NEK2: variants seen among roughly 807,000 people sequenced by gnomAD.
NEK2 encodes serine/threonine-protein kinase Nek2.
In NEK2, 28 loss-of-function variants were observed where a neutral mutation model predicts 54.1. The ratio of observed to expected loss-of-function variants is 0.52; its 90% CI spans 0.38 to 0.71. The LOEUF (loss-of-function observed/expected upper bound fraction) is 0.71. Among genes scored for constraint, NEK2 ranks in the 30% least tolerant of loss-of-function variants. NEK2 has a pLI of 0.00. For missense variants in NEK2, 407 were observed against 531.5 expected (o/e 0.77, Z 2.30); for synonymous variants, 176 against 193.1 (o/e 0.91, Z 0.73).
downstream of NEK2, among the ~76,000 whole-genome samples, chr1:211,661,525 T>G (rs1655018319): frequency 6.6e-6 from 1 of 152,244 alleles, no homozygotes; most frequent in South Asian, 2.1e-4. Context: ...CTTCAAATAA[T>G]TGTTTAAATG....
intron 6 of NEK2, 148 bp from the exon 7 acceptor site, chr1:211,667,379 C>T: frequency 3.1e-6 from 2 of 647,174 alleles, no homozygotes; most frequent in South Asian, 5.9e-5. Flanking sequence ...CCTCAGTCAA[C>T]CTGATTATGT....
chr1:211,663,528 G>A lies in NEK2; in HGVS notation c.1236C>T (p.Asp412=), dbSNP rs1363777365. The change falls in exon 8 of 8, where the codon GAC becomes GAT. Residue 412 remains aspartate (D), a synonymous_variant. Transcript: ENST00000366999. ...GGGCAGCGTGAAGCCTTTTCTTCAG[G>A]TCCTTGCACTTGGACTTAGATGTGA... ...SQLTSKSKCK[D]LKKRLHAAQL... is the part of the protein sequence containing the mutation. 6.2e-7 allele frequency: 1 copy of A among 1,613,930 alleles called. No homozygotes were observed. Among genetic ancestry groups the A allele is most frequent in the Admixed American group, 1.7e-5 (1 of 60,018 alleles).
At position 211,670,330 on chromosome 1, in the gene NEK2, C is replaced by T. The variant is rs1264058723; in HGVS notation, c.716G>A (p.Arg239His). 5.6e-6 allele frequency: 9 copies of T among 1,612,702 alleles called. No homozygotes were observed. Among genetic ancestry groups the T allele is most frequent in the Middle Eastern group, 1.7e-4 (1 of 5,996 alleles). ...REGKFRRIPY[R>H]YSDELNEIIT... ...AATTTCATTCAATTCATCAGAGTAA[C>T]GGTATGGAATTCGCCTGAATTTGCC... The change falls in exon 5 of 8, where the codon CGT (arginine) becomes CAT (histidine). Residue 239 changes from arginine to histidine, a missense_variant. Transcript: ENST00000366999.
intron 4 of NEK2, 34 bp downstream of exon 4, chr1:211,671,168 C>T (rs1655375031): frequency 7.1e-6 from 11 of 1,541,914 alleles, no homozygotes; most frequent in East Asian, 4.5e-5. Context: ...ACAGTACAAA[C>T]CTTAGACTAG....
At chr1:211,661,090 C>T (rs151197025), downstream of NEK2, 1,536 of 743,994 alleles carry the variant, frequency 2.1e-3, 2 homozygotes, top group Non-Finnish European at 2.7e-3. Flanking sequence ...AACTTGCCTC[C>T]GATGGCATTG....
chr1:211,665,255 T>C (rs765389743), intron 7 of NEK2, among the ~76,000 whole-genome samples: 11 of 152,140 alleles, frequency 7.2e-5, no homozygotes, highest in Admixed American at 1.3e-4. Context: ...CTATGATGCT[T>C]ATCTTATAGC....
intron 7 of NEK2, 73 bp from the exon 8 acceptor site, chr1:211,663,725 A>G (rs1045163249): frequency 7.1e-7 from 1 of 1,402,334 alleles, no homozygotes; most frequent in Non-Finnish European, 9.8e-7. Context: ...TATACTTATC[A>G]AAAAGTATTT....
intron 6 of NEK2, 48 bp from the exon 7 acceptor site, chr1:211,667,279 G>A (rs779668145): frequency 6.5e-7 from 1 of 1,545,790 alleles, no homozygotes; most frequent in South Asian, 1.2e-5. Flanking sequence ...AACTGACCTT[G>A]ACTAAAAAAC....
intron 4 of NEK2, 142 bp downstream of exon 4, chr1:211,671,060 A>G: frequency 1.5e-6 from 1 of 649,806 alleles, no homozygotes; most frequent in East Asian, 2.7e-5. Context: ...CTGTTCATCT[A>G]TCTACCTTAA....
chr1:211,671,238 G>T lies in NEK2; in HGVS notation c.602C>A (p.Ser201Ter). The part of the protein sequence containing the change: ...MSYNEKSDIW[S>*]LGCLLYELCA... Reference sequence around the variant, plus strand: ...TAACTCATACAGCAAGCAGCCCAATGACCAGATATCTGATTTCTCATTGTA... The same window carrying T: ...TAACTCATACAGCAAGCAGCCCAATTACCAGATATCTGATTTCTCATTGTA... The change falls in exon 4 of 8, where the codon TCA becomes TAA. Residue 201 changes from serine to a stop codon, truncating the protein, a stop_gained. Transcript: ENST00000366999. LOFTEE classifies it high-confidence loss of function. 1 of 1,613,542 alleles carries T rather than the reference G, an allele frequency of 6.2e-7. No homozygotes were observed. The highest frequency in any genetic ancestry group is 1.1e-5 in the South Asian group (1 of 91,020).
chr1:211,674,260 C>T (rs1655500724), intron 2 of NEK2, 36 bp downstream of exon 2: 14 of 1,528,176 alleles, frequency 9.2e-6, no homozygotes, highest in Non-Finnish European at 1.3e-5. Flanking sequence ...GAAACTAGAC[C>T]AATTTCAGCT....
chr1:211,661,063 C>T (rs1392096479), downstream of NEK2: 4 of 740,722 alleles, frequency 5.4e-6, no homozygotes, highest in Admixed American at 1.8e-5. Flanking sequence ...TGCTAAGCAC[C>T]GTCAAACCCC....
intron 6 of NEK2, among the ~76,000 whole-genome samples, chr1:211,667,640 A>G (rs1436383084): frequency 6.6e-6 from 1 of 152,162 alleles, no homozygotes; most frequent in Non-Finnish European, 1.5e-5. Context: ...ACCCAAACAA[A>G]AGAAAAAAAA....
chr1:211,662,233 C>T (rs988717138), downstream of NEK2, among the ~76,000 whole-genome samples: 3 of 152,150 alleles, frequency 2.0e-5, no homozygotes, highest in African/African-American at 4.8e-5. This position sits in a 1 kb window ranked among gnomAD's most constrained non-coding sequence, Gnocchi z 4.2. Context: ...ACAGCTGAAA[C>T]GGCACTAATC....
chr1:211,667,037 G>A, intron 7 of NEK2, 69 bp downstream of exon 7: 1 of 1,601,440 alleles, frequency 6.2e-7, no homozygotes, highest in Non-Finnish European at 8.5e-7. Context: ...AAGCCACTTT[G>A]GGAGCAACAC....
downstream of NEK2, chr1:211,658,532 T>G (rs931700534): frequency 2.7e-5 from 10 of 374,476 alleles, no homozygotes; most frequent in Non-Finnish European, 4.7e-5. Flanking sequence ...GGCTCATACC[T>G]GTAATCCCAG....
intron 6 of NEK2, among the ~76,000 whole-genome samples, chr1:211,667,814 G>A (rs1655226824): frequency 6.6e-6 from 1 of 152,170 alleles, no homozygotes; most frequent in African/African-American, 2.4e-5. Context: ...GGGAGGCCGA[G>A]GCAGGTGGAT....
chr1:211,672,530 A>G (rs1229288350), intron 3 of NEK2, among the ~76,000 whole-genome samples: 1 of 152,190 alleles, frequency 6.6e-6, no homozygotes, highest in Non-Finnish European at 1.5e-5. Flanking sequence ...TGAAGTGAGC[A>G]AACTTCCTGA....
chr1:211,675,113 C>T (rs574197306), intron 1 of NEK2, among the ~76,000 whole-genome samples: 1 of 152,202 alleles, frequency 6.6e-6, no homozygotes, highest in East Asian at 1.9e-4. Context: ...TTACCTGTCA[C>T]CAATGGAAGG....
Sources: gnomAD v4.1 joint callset for allele counts (sites outside exome capture counted in the v4.1 genomes callset) on GRCh38, gnomAD v4.1.1 for gene constraint, Gnocchi (gnomAD v3.1) non-coding constraint, MANE v1.5 for transcripts, NCBI Gene and HGNC (gene_info 2026-07-23, HGNC 2026-07-21) for gene names.